AKAP19: variants seen among roughly 807,000 people sequenced by gnomAD.
The protein encoded by AKAP19 is small A-kinase anchoring protein.
chr2:189,974,256 C>G, the AKAP19 span, among the ~76,000 whole-genome samples: 2 of 152,164 alleles, frequency 1.3e-5, no homozygotes, highest in Non-Finnish European at 2.9e-5. Flanking sequence ...CATCCAGGAG[C>G]AGGTTGTTCA....
chr2:190,203,335 A>T, the AKAP19 span: 47,834 of 166,942 alleles, frequency 0.29, 7,965 homozygotes, highest in East Asian at 0.48. Context: ...GTTCAGAAGC[A>T]CTACCTGCAT....
At chr2:189,915,095 T>C in the AKAP19 span, among the ~76,000 whole-genome samples, 4 of 152,168 alleles carry the variant, frequency 2.6e-5, no homozygotes, top group African/African-American at 9.6e-5. Flanking sequence ...AATTAAAACA[T>C]GCATGGAAAG....
At chr2:190,106,246 G>A in the AKAP19 span, among the ~76,000 whole-genome samples, 1 of 152,160 alleles carries the variant, frequency 6.6e-6, no homozygotes, top group South Asian at 2.1e-4. Flanking sequence ...CTGTTCTGAG[G>A]AGCCTAAATT....
At chr2:190,028,386 G>A in the AKAP19 span, among the ~76,000 whole-genome samples, 9 of 152,110 alleles carry the variant, frequency 5.9e-5, no homozygotes, top group Non-Finnish European at 1.3e-4. Context: ...CTAAAGACTA[G>A]CCTAGTTTTC....
the AKAP19 span, among the ~76,000 whole-genome samples, chr2:190,120,250 C>G: frequency 6.6e-6 from 1 of 152,160 alleles, no homozygotes; most frequent in Non-Finnish European, 1.5e-5. Context: ...TTATGAGAAT[C>G]TCCTGATCAT....
the AKAP19 span, among the ~76,000 whole-genome samples, chr2:189,949,295 T>A: frequency 6.6e-6 from 1 of 152,146 alleles, no homozygotes; most frequent in Non-Finnish European, 1.5e-5. Flanking sequence ...GGCTCACACC[T>A]GTAATCCCAG....
At chr2:189,982,659 C>G in the AKAP19 span, among the ~76,000 whole-genome samples, 203 of 61,914 alleles carry the variant, frequency 3.3e-3, 3 homozygotes, top group Non-Finnish European at 2.9e-4. Flanking sequence ...TGGATGGAAC[C>G]TTAACTTTTT....
chr2:190,157,674 T>A, the AKAP19 span, among the ~76,000 whole-genome samples: 3 of 152,174 alleles, frequency 2.0e-5, no homozygotes, highest in African/African-American at 7.2e-5. Flanking sequence ...GGAGACTATA[T>A]CCATTGTGGG....
At chr2:190,193,564 T>A in the AKAP19 span, among the ~76,000 whole-genome samples, 1 of 152,190 alleles carries the variant, frequency 6.6e-6, no homozygotes, top group Admixed American at 6.5e-5. Flanking sequence ...AGATTTACAA[T>A]TTCTTTAATT....
At chr2:189,980,936 C>G in the AKAP19 span, among the ~76,000 whole-genome samples, 2 of 152,154 alleles carry the variant, frequency 1.3e-5, no homozygotes, top group Admixed American at 6.5e-5. Flanking sequence ...TCCTTTATGA[C>G]AGAGCATGTG....
chr2:190,139,296 C>A, the AKAP19 span, among the ~76,000 whole-genome samples: 1 of 152,010 alleles, frequency 6.6e-6, no homozygotes, highest in Admixed American at 6.6e-5. Flanking sequence ...GGATAGAGGG[C>A]ATTACAGAAA....
At chr2:189,977,836 G>T in the AKAP19 span, among the ~76,000 whole-genome samples, 5 of 152,268 alleles carry the variant, frequency 3.3e-5, no homozygotes, top group East Asian at 1.9e-4. Flanking sequence ...GACTTACAAT[G>T]ATTTGAATTA....
At chr2:190,059,399 G>A in the AKAP19 span, among the ~76,000 whole-genome samples, 2 of 151,868 alleles carry the variant, frequency 1.3e-5, no homozygotes, top group African/African-American at 4.8e-5. Context: ...GAATGCTAAG[G>A]CAGCTCAGAA....
the AKAP19 span, among the ~76,000 whole-genome samples, chr2:190,090,288 G>A: frequency 6.6e-6 from 1 of 152,168 alleles, no homozygotes; most frequent in Admixed American, 6.5e-5. Flanking sequence ...GGGATGGCCT[G>A]GTGACAAACA....
chr2:189,906,786 TTAAA>T, the AKAP19 span, among the ~76,000 whole-genome samples: 1 of 152,134 alleles, frequency 6.6e-6, no homozygotes, highest in African/African-American at 2.4e-5. Flanking sequence ...CATGCAACAC[TTAAA>T]TAAATTTACA....
the AKAP19 span, among the ~76,000 whole-genome samples, chr2:189,992,005 G>C: frequency 2.8e-4 from 42 of 151,686 alleles, no homozygotes; most frequent in African/African-American, 8.9e-4. Context: ...TCAATTGGCT[G>C]AGTCTATAAA....
chr2:190,062,361 T>A, the AKAP19 span: 2 of 1,613,480 alleles, frequency 1.2e-6, no homozygotes, highest in South Asian at 2.2e-5. Context: ...GGGTAAAAGT[T>A]GTCTTATAAC....
At chr2:189,910,874 A>C in the AKAP19 span, among the ~76,000 whole-genome samples, 1 of 152,078 alleles carries the variant, frequency 6.6e-6, no homozygotes, top group Non-Finnish European at 1.5e-5. Flanking sequence ...ATTTGACTTA[A>C]GCCAAACCTC....
the AKAP19 span, among the ~76,000 whole-genome samples, chr2:190,040,313 T>C: frequency 6.6e-6 from 1 of 152,268 alleles, no homozygotes; most frequent in South Asian, 2.1e-4. Flanking sequence ...GCTGCATATA[T>C]GTCTTCTTTG....
Sources: gnomAD v4.1 joint callset for allele counts (sites outside exome capture counted in the v4.1 genomes callset) on GRCh38, gnomAD v4.1.1 for gene constraint, MANE v1.5 for transcripts, NCBI Gene and HGNC (gene_info 2026-07-23, HGNC 2026-07-21) for gene names.